The following GOLGA4 variants were observed in gnomAD, a reference collection of about 807,000 sequenced individuals.
GOLGA4 encodes the protein golgin subfamily A member 4.
GOLGA4 carries 169 observed loss-of-function variants against 265.9 expected under a neutral mutation model. That is an observed-to-expected ratio of 0.64 (90% CI 0.56 to 0.72). The LOEUF (loss-of-function observed/expected upper bound fraction) is 0.72, where lower values mean the gene tolerates loss of function less well. GOLGA4 is among the 30% of genes least tolerant of loss of function. The probability of loss-of-function intolerance (pLI) is 0.00; values close to 1 mark genes in which losing one functional copy is unlikely to be tolerated. For synonymous variants in GOLGA4, 923 were observed against 855.8 expected (o/e 1.08, Z -1.37); for missense variants, 2,482 against 2,483.4 (o/e 1.00, Z 0.01).
chr3:37,303,704 G>T (rs981685820), intron 10 of GOLGA4, among the ~76,000 whole-genome samples: 1 of 152,186 alleles, frequency 6.6e-6, no homozygotes, highest in Non-Finnish European at 1.5e-5. Flanking sequence ...TTCTACAAAA[G>T]ATTAAGTTTT....
At chr3:37,314,557 C>A (rs1472695770) in intron 10 of GOLGA4, among the ~76,000 whole-genome samples, 3 of 151,722 alleles carry the variant, frequency 2.0e-5, no homozygotes, top group Non-Finnish European at 4.4e-5. Flanking sequence ...AGGAGTATTG[C>A]TTGAACCCGC....
chr3:37,325,651 C>T lies in GOLGA4; in HGVS notation c.3765C>T (p.His1255=). The T allele has an allele frequency of 6.2e-7, 1 of 1,613,816 alleles. No individual in the cohort carries two copies. Among genetic ancestry groups the T allele is most frequent in the Non-Finnish European group, 8.5e-7 (1 of 1,179,788 alleles). Residue 1255 remains histidine, a synonymous_variant, in exon 14 of 24, where the codon CAC becomes CAT. Transcript: ENST00000361924. ...TTTCTAGGATTTCTCATTGTCAGCACCGTACAACTAAAGTTAAGGAGGCAC... is the reference window on the plus strand; with the variant it reads ...TTTCTAGGATTTCTCATTGTCAGCATCGTACAACTAAAGTTAAGGAGGCAC... ...AILSRISHCQ[H]RTTKVKEALL...
chr3:37,340,286 A>G, intron 20 of GOLGA4, 87 bp downstream of exon 20: 3 of 550,180 alleles, frequency 5.5e-6, no homozygotes, highest in Non-Finnish European at 9.6e-6. Context: ...TTGCTAATTT[A>G]TATTTTTTTC....
intron 23 of GOLGA4, among the ~76,000 whole-genome samples, chr3:37,364,954 G>C (rs1464061307): frequency 6.6e-6 from 1 of 152,024 alleles, no homozygotes; most frequent in Non-Finnish European, 1.5e-5. Flanking sequence ...CTGGAGTGCA[G>C]TGGTACAGTC....
intron 1 of GOLGA4, among the ~76,000 whole-genome samples, chr3:37,248,707 T>C (rs2096726122): frequency 6.6e-6 from 1 of 152,022 alleles, no homozygotes; most frequent in Non-Finnish European, 1.5e-5. Flanking sequence ...TCTGTTAAAC[T>C]TTGTAAACCC....
chr3:37,262,409 A>G (rs145547063), intron 2 of GOLGA4, among the ~76,000 whole-genome samples: 99 of 152,096 alleles, frequency 6.5e-4, no homozygotes, highest in African/African-American at 2.2e-3. Flanking sequence ...GGGAGGCTGA[A>G]TGAGGCAGGA....
rs768212268 is a variant in GOLGA4, at chr3:37,328,411, C to G, written c.5940-5C>G. On this transcript the variant is annotated splice_region_variant and splice_polypyrimidine_tract_variant and intron_variant, in intron 14 of 23. Transcript: ENST00000361924. ...AGCAGTTAACGGTACATTTTTATTA[C>G]TCAGACAGGAGCAGGAAGATCTTGA... 6.2e-7 allele frequency: 1 copy of G among 1,609,724 alleles called. No individual in the cohort carries two copies. Among genetic ancestry groups the G allele is most frequent in the Non-Finnish European group, 8.5e-7 (1 of 1,178,250 alleles).
chr3:37,276,600 T>C (rs2096819880), intron 2 of GOLGA4: 1 of 1,571,206 alleles, frequency 6.4e-7, no homozygotes, highest in Non-Finnish European at 8.7e-7. Context: ...TTCTGTTGAG[T>C]TGGAAGAATT....
intron 20 of GOLGA4, among the ~76,000 whole-genome samples, chr3:37,342,936 G>T (rs1290455937): frequency 6.6e-6 from 1 of 152,160 alleles, no homozygotes; most frequent in East Asian, 1.9e-4. Context: ...GTCTCGCTCT[G>T]TTGCCCAGGC....
chr3:37,282,439 AT>A (rs147719566), intron 3 of GOLGA4, among the ~76,000 whole-genome samples, 167 bp downstream of exon 3: 5,846 of 152,316 alleles, frequency 0.038, 142 homozygotes, highest in African/African-American at 0.056. Context: ...AAGACTCTCA[AT>A]ATCTAGTTAA....
chr3:37,343,534 A>G (rs1296315214), intron 20 of GOLGA4, among the ~76,000 whole-genome samples: 1 of 151,868 alleles, frequency 6.6e-6, no homozygotes, highest in Non-Finnish European at 1.5e-5. Context: ...CTGGTTTTGA[A>G]CTCCTGAGCC....
intron 16 of GOLGA4, among the ~76,000 whole-genome samples, chr3:37,334,353 C>T (rs185775809): frequency 2.0e-5 from 3 of 152,086 alleles, no homozygotes; most frequent in Admixed American, 6.5e-5. Flanking sequence ...ATTACCAGCA[C>T]GTTGGACAGT....
At chr3:37,343,216 G>T (rs1446964924) in intron 20 of GOLGA4, among the ~76,000 whole-genome samples, 2 of 152,228 alleles carry the variant, frequency 1.3e-5, no homozygotes, top group Non-Finnish European at 2.9e-5. Flanking sequence ...CCACCTCCCG[G>T]GTTCAAGCAA....
intron 21 of GOLGA4, among the ~76,000 whole-genome samples, chr3:37,350,421 T>G (rs986470026): frequency 6.6e-6 from 1 of 152,144 alleles, no homozygotes; most frequent in African/African-American, 2.4e-5. Context: ...ATGTTGTTTC[T>G]TAGTAAATAT....
intron 16 of GOLGA4, among the ~76,000 whole-genome samples, chr3:37,331,606 T>C (rs1339954359): frequency 6.6e-6 from 1 of 152,232 alleles, no homozygotes; most frequent in East Asian, 1.9e-4. Flanking sequence ...TTACCCTTTC[T>C]TAAAAGCTAT....
In GOLGA4 at chr3:37,285,650, A is replaced by G. The variant is rs115538453; in HGVS notation, c.478-364A>G. ...CAGTTAGATTGGGGTGGGGCCCAAG[A>G]ATTTCTGTTTCAAGCAAACTTGCAA... On this transcript the variant is annotated intron_variant, in intron 3 of 23. Coordinates refer to ENST00000361924, the MANE Select transcript of GOLGA4 (RefSeq NM_002078.5). Among the ~76,000 whole-genome samples the G allele has an allele frequency of 5.3e-3, 802 of 152,318 alleles. 8 individuals carry two copies. Among genetic ancestry groups the G allele is most frequent in the African/African-American group, 0.018 (767 of 41,566 alleles).
intron 23 of GOLGA4, 118 bp from the exon 24 acceptor site, chr3:37,365,962 G>A (rs887161682): frequency 1.5e-4 from 127 of 831,966 alleles, no homozygotes; most frequent in Non-Finnish European, 8.6e-5. Flanking sequence ...GCAGTCTCTA[G>A]ACCATGGAAT....
At chr3:37,289,400 A>G in intron 5 of GOLGA4, 109 bp downstream of exon 5, 1 of 657,976 alleles carries the variant, frequency 1.5e-6, no homozygotes, top group Non-Finnish European at 2.7e-6. Context: ...TTATACTAAT[A>G]ACTAACCAGT....
At position 37,340,471 on chromosome 3, in the gene GOLGA4, CTT is replaced by C. The variant is rs200104716; in HGVS notation, c.6472+275_6472+276del. On this transcript the variant is annotated intron_variant, in intron 20 of 23. Transcript: ENST00000361924. ...TGATGAGAACACTTTAAAATCTACT[CTT>C]TTCACAGTTTTCAAGAATACAATAA... 5.2e-3 allele frequency among the ~76,000 whole-genome samples: 796 copies of C among 152,274 alleles called. 1 individual carries two copies. The highest frequency in any genetic ancestry group is 8.0e-3 in the Non-Finnish European group (543 of 68,016).
Sources: gnomAD v4.1 joint callset for allele counts (sites outside exome capture counted in the v4.1 genomes callset) on GRCh38, gnomAD v4.1.1 for gene constraint, MANE v1.5 for transcripts, NCBI Gene and HGNC (gene_info 2026-07-23, HGNC 2026-07-21) for gene names.